Variants in RC3H1 observed in about 807,000 individuals in gnomAD.
RC3H1 encodes roquin-1.
RC3H1 carries 50 observed loss-of-function variants against 138.2 expected under a neutral mutation model. The observed-to-expected ratio is 0.36, with a 90% CI of 0.29 to 0.46. The LOEUF (loss-of-function observed/expected upper bound fraction) is 0.46. Among genes scored for constraint, RC3H1 ranks in the 20% least tolerant of loss-of-function variants. The probability of loss-of-function intolerance (pLI) is 1.00; values close to 1 mark genes in which losing one functional copy is unlikely to be tolerated. For synonymous variants in RC3H1, 462 were observed against 489.1 expected (o/e 0.94, Z 0.73); for missense variants, 1,031 against 1,388.1 (o/e 0.74, Z 4.09).
intron 15 of RC3H1, 25 bp downstream of exon 15, chr1:173,947,344 G>A (rs1313907387): frequency 6.6e-7 from 1 of 1,524,698 alleles, no homozygotes; most frequent in African/African-American, 1.4e-5. Context: ...AACCCTTTAG[G>A]TCAGCTTACC....
At chr1:174,021,931 G>A (rs1343861139) in intron 1 of RC3H1, among the ~76,000 whole-genome samples, 165 bp downstream of exon 1, 1 of 152,226 alleles carries the variant, frequency 6.6e-6, no homozygotes, top group Non-Finnish European at 1.5e-5. Flanking sequence ...CAGAACAGCC[G>A]GCGGGGGCCC....
intron 7 of RC3H1, 144 bp downstream of exon 7, chr1:173,978,344 A>C: frequency 1.3e-6 from 1 of 750,208 alleles, no homozygotes. Flanking sequence ...GAAAAGATTT[A>C]AAATGGAAAC....
intron 12 of RC3H1, 43 bp from the exon 13 acceptor site, chr1:173,961,287 G>T: frequency 3.9e-6 from 6 of 1,539,242 alleles, no homozygotes; most frequent in Non-Finnish European, 3.6e-6. Flanking sequence ...AGAATTTCAG[G>T]ACAGATTAAT....
chr1:174,019,686 C>A (rs1483759648), intron 1 of RC3H1, among the ~76,000 whole-genome samples: 1 of 151,950 alleles, frequency 6.6e-6, no homozygotes, highest in Non-Finnish European at 1.5e-5. Context: ...TCCAAAACTT[C>A]TTAGAAGTAA....
Position 173,992,739 on chromosome 1 carries a change from A to C in RC3H1, c.231+16T>G. 1 of 1,571,316 alleles carries C rather than the reference A, an allele frequency of 6.4e-7. No homozygotes were observed. Among genetic ancestry groups the C allele is most frequent in the South Asian group, 1.1e-5 (1 of 90,036 alleles). The stretch of plus-strand genomic sequence containing the variant: ...AGAGAGGGAGAAATTTAAAAGTATT[A>C]AGTCACCCATCCTACCTGAGCACCC... On this transcript the variant is annotated intron_variant, in intron 2 of 19. Transcript: ENST00000367696.
chr1:173,946,527 C>T lies in RC3H1; in HGVS notation c.2910G>A (p.Leu970=), dbSNP rs77464091. 2.3e-4 allele frequency: 372 copies of T among 1,614,130 alleles called. 2 individuals carry two copies. The East Asian group carries it at 8.2e-3, about 36-fold the overall frequency. The change falls in exon 17 of 20, where the codon TTG becomes TTA. Residue 970 remains leucine (L), a synonymous_variant. Coordinates refer to ENST00000367696, the MANE Select transcript of RC3H1 (RefSeq NM_172071.4). ...GGCTAATCTGATGGTTCAATTGCTG[C>T]AATTCTAGTCGTAGCTGTTCTCTCT... ...SAEREQLRLE[L]QQLNHQISQQ...
chr1:174,000,428 T>C (rs750037069), intron 1 of RC3H1, among the ~76,000 whole-genome samples: 5 of 152,220 alleles, frequency 3.3e-5, no homozygotes, highest in Admixed American at 1.3e-4. Context: ...TCTGAGGCAT[T>C]ACTATGCCCA....
intron 3 of RC3H1, 65 bp downstream of exon 3, chr1:173,984,434 G>T: frequency 6.7e-7 from 1 of 1,490,784 alleles, no homozygotes; most frequent in Non-Finnish European, 9.1e-7. Context: ...ACTTATATAG[G>T]ATTATGTACT....
chr1:173,984,471 T>C (rs754706133), intron 3 of RC3H1, 28 bp downstream of exon 3: 6 of 1,607,414 alleles, frequency 3.7e-6, no homozygotes, highest in Non-Finnish European at 3.4e-6. Context: ...AGTTTTACTC[T>C]TTAAATAAGA....
In RC3H1 at chr1:173,983,583, A is replaced by T. The variant is rs773634951; in HGVS notation, c.427T>A (p.Cys143Ser). The change falls in exon 4 of 20, where the codon TGT (cysteine) becomes AGT (serine). Residue 143 changes from cysteine (C) to serine (S), a missense_variant. Transcript: ENST00000367696. The stretch of plus-strand genomic sequence containing the variant: ...CTGCCTTCTTCTTCTACTAGTTGAC[A>T]GTGGACTAGAGTCACAAGCTTCCTC... The part of the protein sequence containing the change: ...MQRKLVTLVH[C>S]QLVEEEGRIR... 1.2e-6 allele frequency: 2 copies of T among 1,614,212 alleles called. No individual in the cohort carries two copies. Among genetic ancestry groups the T allele is most frequent in the Admixed American group, 3.3e-5 (2 of 60,026 alleles).
At chr1:173,960,942 G>A in intron 13 of RC3H1, 135 bp downstream of exon 13, 2 of 767,720 alleles carry the variant, frequency 2.6e-6, no homozygotes, top group Non-Finnish European at 4.2e-6. Context: ...ATGGATTGTA[G>A]AGTTAAATGA....
In RC3H1 at chr1:173,941,523, G is replaced by GAGTGACATACATAAAA. The variant is rs1658860909; in HGVS notation, c.3136-159_3136-144dup. 44 of 591,384 alleles carry GAGTGACATACATAAAA rather than the reference G, an allele frequency of 7.4e-5. No homozygotes were observed. In the South Asian group the frequency reaches 9.0e-4, roughly 12 times the overall value. 36.6% of individuals were successfully genotyped at this position (591,384 alleles called of 1,614,324 possible). The stretch of plus-strand genomic sequence containing the variant: ...AACCAAAGAAACTGGCAGACTAAAA[G>GAGTGACATACATAAAA]AGTGACATACATAAAAACATAACAG... On this transcript the variant is annotated intron_variant, in intron 18 of 19. Coordinates refer to ENST00000367696, the MANE Select transcript of RC3H1 (RefSeq NM_172071.4).
At chr1:173,956,080 G>A (rs188313405) in intron 13 of RC3H1, among the ~76,000 whole-genome samples, 3 of 147,214 alleles carry the variant, frequency 2.0e-5, no homozygotes, top group African/African-American at 7.7e-5. Flanking sequence ...GCAGTGAGCC[G>A]AGATCGTGCC....
intron 13 of RC3H1, among the ~76,000 whole-genome samples, chr1:173,955,305 G>A (rs1328481166): frequency 2.7e-5 from 4 of 145,866 alleles, no homozygotes; most frequent in African/African-American, 1.0e-4. Context: ...CACGTTTGCA[G>A]TAAGAGATGT....
intron 6 of RC3H1, 22 bp downstream of exon 6, chr1:173,980,787 T>C (rs765297384): frequency 6.9e-6 from 11 of 1,585,786 alleles, no homozygotes; most frequent in South Asian, 3.3e-5. Flanking sequence ...GTCTAAGAAG[T>C]AAGGAACAAA....
In RC3H1 at chr1:173,965,456, TG is replaced by T. The variant is rs560216938; in HGVS notation, c.1335-337del. On this transcript the variant is annotated intron_variant, in intron 9 of 19. Transcript: ENST00000367696. ...AAATACAAAAATTAGCTGGGTGTGG[TG>T]GCGTGTGCCTGTGGTCCCAACTACT... Among the ~76,000 whole-genome samples the T allele has an allele frequency of 6.6e-5, 10 of 152,174 alleles. No homozygotes were observed. In the South Asian group the frequency reaches 2.1e-3, roughly 32 times the overall value.
At position 173,938,522 on chromosome 1, in the gene RC3H1, T is replaced by C. The variant is rs1169515465; in HGVS notation, c.*199A>G. 3 of 390,120 alleles carry C rather than the reference T, an allele frequency of 7.7e-6. No homozygotes were observed. Among genetic ancestry groups the C allele is most frequent in the Non-Finnish European group, 1.4e-5 (3 of 220,420 alleles). The allele number at this position is 390,120 out of a possible 1,614,324, so 24.2% of individuals were successfully genotyped here. On this transcript the variant is annotated 3_prime_UTR_variant, in exon 20 of 20. Transcript: ENST00000367696. ...AGATACTGCTAATTTTCTTTTTCTT[T>C]AAATTAAAAAAATGCATTAATGTGA... is the stretch of plus-strand genomic sequence containing the variant.
chr1:173,946,937 C>A, intron 15 of RC3H1, 101 bp from the exon 16 acceptor site: 1 of 769,582 alleles, frequency 1.3e-6, no homozygotes, highest in Non-Finnish European at 2.2e-6. Context: ...ACACAGGTAT[C>A]TGGTATCTAC....
In RC3H1 at chr1:173,933,750, A is replaced by C. The variant is rs1557911325; in HGVS notation, c.*4971T>G. ...GAAAGGTATGAATGTGGATCAGCAAAATGGGCACTCAGGTAAAATGATGAC... is the reference window on the plus strand; with the variant it reads ...GAAAGGTATGAATGTGGATCAGCAACATGGGCACTCAGGTAAAATGATGAC... On this transcript the variant is annotated 3_prime_UTR_variant, in exon 20 of 20. Coordinates refer to ENST00000367696, the MANE Select transcript of RC3H1 (RefSeq NM_172071.4). 6.6e-6 allele frequency: 1 copy of C among 152,192 alleles called. No homozygotes were observed. Among genetic ancestry groups the C allele is most frequent in the Non-Finnish European group, 1.5e-5 (1 of 68,014 alleles). 9.4% of individuals were successfully genotyped at this position (152,192 alleles called of 1,614,324 possible).
Sources: allele counts gnomAD v4.1 joint callset (sites outside exome capture counted in the v4.1 genomes callset), GRCh38; gene constraint gnomAD v4.1.1; transcripts MANE v1.5; gene names NCBI Gene and HGNC (gene_info 2026-07-23, HGNC 2026-07-21).